Variants in SELENOF observed in about 807,000 individuals in gnomAD.
SELENOF encodes selenoprotein F, also known as 15 kDa selenoprotein.
In SELENOF, 16 loss-of-function variants were observed where a neutral mutation model predicts 20.5. The ratio of observed to expected loss-of-function variants is 0.78; its 90% CI spans 0.53 to 1.19. The LOEUF is 1.19. Among genes scored for constraint, SELENOF ranks in the 50% most tolerant of loss-of-function variants. SELENOF has a pLI of 0.00. For synonymous variants in SELENOF, 78 were observed against 74.5 expected, an observed-to-expected ratio of 1.05 and a Z score of -0.24; for missense variants, 215 against 194.2, an observed-to-expected ratio of 1.11 and a Z score of -0.64.
chr1:86,907,999 A>AC (rs1659875749), intron 1 of SELENOF, among the ~76,000 whole-genome samples: 2 of 94,390 alleles, frequency 2.1e-5, no homozygotes, highest in Admixed American at 9.3e-5. Context: ...AAAAAAAAAC[A>AC]AAAAAAAAAA....
Position 86,862,701 on chromosome 1 carries a change from A to G in SELENOF, c.*773T>C, listed in dbSNP as rs1658486123. The G allele has an allele frequency of 6.6e-6, 1 of 152,242 alleles. No homozygotes were observed. The highest frequency in any genetic ancestry group is 2.1e-4 in the South Asian group (1 of 4,834). 9.4% of individuals were successfully genotyped at this position (152,242 alleles called of 1,614,324 possible). On this transcript the variant is annotated 3_prime_UTR_variant, in exon 5 of 5. Coordinates refer to ENST00000331835, the MANE Select transcript of SELENOF (RefSeq NM_004261.5). ...ATTTTTAAACATGAAAGAACAAACC[A>G]GAAGAATTCCAAATTCAGATAGATT...
intron 3 of SELENOF, among the ~76,000 whole-genome samples, chr1:86,871,301 GTACTC>G (rs1236955935): frequency 6.6e-6 from 1 of 152,114 alleles, no homozygotes; most frequent in Non-Finnish European, 1.5e-5. Flanking sequence ...TTGACAATAA[GTACTC>G]TAAGTTCAGA....
At position 86,870,841 on chromosome 1, in the gene SELENOF, A is replaced by G. The variant is rs57095893; in HGVS notation, c.317-2739T>C. Among the ~76,000 whole-genome samples the G allele has an allele frequency of 3.5e-3, 533 of 152,074 alleles. 2 individuals carry two copies. The highest frequency in any genetic ancestry group is 0.012 in the African/African-American group (515 of 41,492). On this transcript the variant is annotated intron_variant, in intron 3 of 4. Transcript: ENST00000331835. ...TCACCGCGTTAGCCAGGATGGTCTCAATCTCCTGACCTCGTGATCTGCCCA... is the reference window on the plus strand; with the variant it reads ...TCACCGCGTTAGCCAGGATGGTCTCGATCTCCTGACCTCGTGATCTGCCCA...
chr1:86,878,038 A>C (rs912619370), intron 3 of SELENOF, among the ~76,000 whole-genome samples: 2 of 152,212 alleles, frequency 1.3e-5, no homozygotes, highest in Non-Finnish European at 2.9e-5. Flanking sequence ...GTCACAAGTG[A>C]AGTGACAGAA....
intron 1 of SELENOF, among the ~76,000 whole-genome samples, chr1:86,906,234 G>A (rs1286040397): frequency 1.3e-5 from 2 of 152,202 alleles, no homozygotes; most frequent in African/African-American, 4.8e-5. Flanking sequence ...TAAGACACTT[G>A]CTACCATACT....
chr1:86,884,945 A>G (rs777723414), intron 2 of SELENOF, among the ~76,000 whole-genome samples: 4 of 152,254 alleles, frequency 2.6e-5, no homozygotes, highest in Non-Finnish European at 2.9e-5. Flanking sequence ...TATGACCGTC[A>G]GATTTTTCTA....
chr1:86,872,461 C>T (rs1416712895), intron 3 of SELENOF, among the ~76,000 whole-genome samples: 2 of 151,952 alleles, frequency 1.3e-5, no homozygotes, highest in Non-Finnish European at 2.9e-5. Flanking sequence ...CTCCGCCTCT[C>T]GGGTTCAGGC....
intron 1 of SELENOF, among the ~76,000 whole-genome samples, 196 bp from the exon 2 acceptor site, chr1:86,903,644 G>C (rs903471407): frequency 3.9e-5 from 6 of 152,044 alleles, no homozygotes; most frequent in Non-Finnish European, 7.4e-5. Context: ...CGCCAGGCTG[G>C]AGGGCAGTGG....
chr1:86,895,058 A>C (rs1331416559), intron 2 of SELENOF, among the ~76,000 whole-genome samples: 1 of 152,206 alleles, frequency 6.6e-6, no homozygotes, highest in African/African-American at 2.4e-5. Flanking sequence ...AGGACTTAAA[A>C]ATTTGAAAGT....
At chr1:86,887,883 C>T (rs565118614) in intron 2 of SELENOF, among the ~76,000 whole-genome samples, 2 of 151,978 alleles carry the variant, frequency 1.3e-5, no homozygotes, top group South Asian at 4.2e-4. Flanking sequence ...GGAAATATCA[C>T]ATGATGAAAA....
rs1343981223 is a variant in SELENOF at position 86,896,662 on chromosome 1, T to G, written c.252+6619A>C. The stretch of plus-strand genomic sequence containing the variant: ...GCTAAATAATTAACATTATCTCTTT[T>G]TAGATAGATTTGGGATGCTTATGGC... On this transcript the variant is annotated intron_variant, in intron 2 of 4. Coordinates refer to ENST00000331835, the MANE Select transcript of SELENOF (RefSeq NM_004261.5). Among the ~76,000 whole-genome samples, 4 of 152,210 alleles carry G rather than the reference T, an allele frequency of 2.6e-5. No individual in the cohort carries two copies. The East Asian group carries it at 7.7e-4, about 29-fold the overall frequency.
At chr1:86,885,235 T>C (rs1170309081) in intron 2 of SELENOF, among the ~76,000 whole-genome samples, 1 of 152,150 alleles carries the variant, frequency 6.6e-6, no homozygotes, top group Non-Finnish European at 1.5e-5. Flanking sequence ...TAATTCCAGA[T>C]AACAGCTACT....
At chr1:86,887,363 C>T (rs2102098545) in intron 2 of SELENOF, among the ~76,000 whole-genome samples, 1 of 152,250 alleles carries the variant, frequency 6.6e-6, no homozygotes, top group African/African-American at 2.4e-5. Context: ...AGGAAACTCA[C>T]TAAGTTTAAA....
intron 3 of SELENOF, among the ~76,000 whole-genome samples, chr1:86,871,077 T>C (rs1319992714): frequency 6.6e-6 from 1 of 152,218 alleles, no homozygotes; most frequent in Admixed American, 6.5e-5. Flanking sequence ...ATCTGTTAAA[T>C]ACCTTGTAGC....
At chr1:86,889,700 C>T (rs1659327797) in intron 2 of SELENOF, among the ~76,000 whole-genome samples, 1 of 152,166 alleles carries the variant, frequency 6.6e-6, no homozygotes, top group Non-Finnish European at 1.5e-5. Flanking sequence ...CCATTATTGC[C>T]TTAATGGGCC....
At chr1:86,876,987 A>G (rs576226584) in intron 3 of SELENOF, among the ~76,000 whole-genome samples, 2 of 152,352 alleles carry the variant, frequency 1.3e-5, no homozygotes, top group African/African-American at 4.8e-5. Flanking sequence ...ATTGACTTGA[A>G]TGTTTTTTAA....
At chr1:86,866,071 C>T (rs970189725) in intron 4 of SELENOF, among the ~76,000 whole-genome samples, 2 of 151,718 alleles carry the variant, frequency 1.3e-5, no homozygotes, top group African/African-American at 4.8e-5. Flanking sequence ...TTGGTGTGTA[C>T]CTGTGGTCTC....
intron 3 of SELENOF, among the ~76,000 whole-genome samples, chr1:86,878,373 T>C (rs566525026): frequency 2.3e-4 from 35 of 152,328 alleles, no homozygotes; most frequent in Admixed American, 1.1e-3. Flanking sequence ...AGCTACTTGA[T>C]GTTGAAGATA....
intron 1 of SELENOF, among the ~76,000 whole-genome samples, chr1:86,910,766 C>T (rs183314552): frequency 4.0e-5 from 6 of 151,878 alleles, no homozygotes; most frequent in African/African-American, 1.4e-4. Flanking sequence ...TGCACAGCTA[C>T]CACAAATTTT....
Sources: gnomAD v4.1 joint callset for allele counts (sites outside exome capture counted in the v4.1 genomes callset) on GRCh38, gnomAD v4.1.1 for gene constraint, MANE v1.5 for transcripts, NCBI Gene and HGNC (gene_info 2026-07-23, HGNC 2026-07-21) for gene names.